MYRIP: variants seen among roughly 807,000 people sequenced by gnomAD.
MYRIP encodes the protein rab effector MyRIP.
A neutral mutation model predicts 98.0 loss-of-function variants in MYRIP; 49 were observed. The ratio of observed to expected loss-of-function variants is 0.50; its 90% CI spans 0.40 to 0.63. MYRIP has a LOEUF of 0.63. Ranked by LOEUF, MYRIP falls within the 30% of genes least tolerant of loss-of-function variation. The pLI, the probability that MYRIP is intolerant of heterozygous loss-of-function variation, is 0.00. For synonymous variants in MYRIP, 404 were observed against 409.5 expected, an observed-to-expected ratio of 0.99 and a Z score of 0.16; for missense variants, 1,004 against 1,058.2, an observed-to-expected ratio of 0.95 and a Z score of 0.71.
intron 3 of MYRIP, among the ~76,000 whole-genome samples, chr3:40,092,941 G>T (rs1388501812): frequency 3.3e-5 from 5 of 152,072 alleles, no homozygotes; most frequent in African/African-American, 1.2e-4. Context: ...CAAGTCCTTT[G>T]GTACATCACA....
chr3:40,089,654 C>G (rs1278638789), intron 3 of MYRIP, among the ~76,000 whole-genome samples: 4 of 152,138 alleles, frequency 2.6e-5, no homozygotes, highest in Non-Finnish European at 5.9e-5. Context: ...ATGAGACTTT[C>G]TAGAATGGTT....
At position 40,233,949 on chromosome 3, in the gene MYRIP, C is replaced by CCCT. The variant is rs1952741142; in HGVS notation, c.1997_1999dup (p.Pro666_Trp667insSer). The CCCT allele has an allele frequency of 6.2e-7, 1 of 1,613,900 alleles. No homozygotes were observed. The highest frequency in any genetic ancestry group is 1.3e-5 in the African/African-American group (1 of 75,016). On this transcript the variant is annotated inframe_insertion, in exon 12 of 17. Coordinates refer to ENST00000302541, the MANE Select transcript of MYRIP (RefSeq NM_015460.4). The stretch of plus-strand genomic sequence containing the variant: ...GGAGTTGATAGCAGGATCTACAGGG[C>CCCT]CCTGGGAGTCCCCACAAGTCCCTCC...
chr3:39,861,155 A>G (rs1052150382), intron 1 of MYRIP, among the ~76,000 whole-genome samples: 3 of 152,156 alleles, frequency 2.0e-5, no homozygotes, highest in Non-Finnish European at 4.4e-5. Flanking sequence ...CCTAACCTCA[A>G]CAGGCTAGGG....
intron 1 of MYRIP, among the ~76,000 whole-genome samples, chr3:39,812,313 C>G (rs1940722185): frequency 6.6e-6 from 1 of 151,846 alleles, no homozygotes; most frequent in East Asian, 1.9e-4. Flanking sequence ...TAAAATGAGA[C>G]TTCTTGATGA....
chr3:39,877,234 T>C (rs1298891929), intron 1 of MYRIP, among the ~76,000 whole-genome samples: 5 of 152,294 alleles, frequency 3.3e-5, no homozygotes, highest in South Asian at 2.1e-4. Flanking sequence ...GTTCTAGTTA[T>C]ACATTCTTCT....
intron 1 of MYRIP, among the ~76,000 whole-genome samples, chr3:39,889,113 C>G (rs1488281900): frequency 9.2e-5 from 14 of 152,130 alleles, no homozygotes; most frequent in Admixed American, 9.2e-4. Flanking sequence ...TTGTGGAAGT[C>G]AGTGTGGCGA....
intron 2 of MYRIP, among the ~76,000 whole-genome samples, chr3:40,016,756 T>C (rs768843021): frequency 6.6e-6 from 1 of 152,200 alleles, no homozygotes; most frequent in Non-Finnish European, 1.5e-5. Context: ...ACTTAATGTC[T>C]CCCAACCCCT....
At chr3:39,825,364 C>T (rs987823905) in intron 1 of MYRIP, among the ~76,000 whole-genome samples, 1 of 152,048 alleles carries the variant, frequency 6.6e-6, no homozygotes, top group Non-Finnish European at 1.5e-5. Flanking sequence ...GATGCACTTT[C>T]CTTCTATACC....
At chr3:39,811,678 T>C (rs1940698662) in intron 1 of MYRIP, among the ~76,000 whole-genome samples, 1 of 151,614 alleles carries the variant, frequency 6.6e-6, no homozygotes, top group African/African-American at 2.4e-5. Context: ...TGTGTGTGTG[T>C]GTGTTGTCTC....
intron 10 of MYRIP, among the ~76,000 whole-genome samples, chr3:40,196,359 A>G (rs1028166077): frequency 2.0e-5 from 3 of 152,152 alleles, no homozygotes; most frequent in African/African-American, 4.8e-5. Flanking sequence ...ATAGCTAATG[A>G]ATTTTCCCTC....
chr3:40,200,237 A>T (rs1004523721), intron 10 of MYRIP, among the ~76,000 whole-genome samples: 1 of 151,592 alleles, frequency 6.6e-6, no homozygotes, highest in African/African-American at 2.4e-5. Context: ...TGGGTCACAC[A>T]TAATATGCTA....
chr3:40,129,440 CAAAAAAAAAAAAAAAAAAAAA>C (rs386396419), intron 3 of MYRIP, among the ~76,000 whole-genome samples: 4 of 29,374 alleles, frequency 1.4e-4, no homozygotes, highest in Middle Eastern at 0.031. Flanking sequence ...GACTCTGTCT[CAAAAAAAAAAAAAAAAAAAAA>C]AAAAAAAAAA....
At chr3:40,078,115 C>T (rs1003188406) in intron 3 of MYRIP, among the ~76,000 whole-genome samples, 32 of 152,374 alleles carry the variant, frequency 2.1e-4, no homozygotes, top group African/African-American at 6.3e-4. Flanking sequence ...AGCGCAGCGC[C>T]GGTGGGCTGG....
intron 2 of MYRIP, among the ~76,000 whole-genome samples, chr3:40,011,242 C>T (rs1460368234): frequency 1.3e-5 from 2 of 152,194 alleles, no homozygotes; most frequent in African/African-American, 4.8e-5. Flanking sequence ...AGGCCAGGAC[C>T]TAGTCACATG....
intron 1 of MYRIP, among the ~76,000 whole-genome samples, chr3:39,865,067 CAATA>C (rs1942582386): frequency 1.3e-5 from 2 of 152,142 alleles, no homozygotes; most frequent in South Asian, 4.1e-4. Context: ...ACTCCCTATT[CAATA>C]AATAGTGTTG....
intron 3 of MYRIP, among the ~76,000 whole-genome samples, chr3:40,059,074 T>C (rs372299364): frequency 6.6e-6 from 1 of 152,126 alleles, no homozygotes; most frequent in Non-Finnish European, 1.5e-5. Flanking sequence ...AGAATAATGA[T>C]TTCCAGTTTC....
intron 2 of MYRIP, among the ~76,000 whole-genome samples, chr3:39,985,787 C>T (rs1225269493): frequency 6.6e-6 from 1 of 152,006 alleles, no homozygotes; most frequent in Non-Finnish European, 1.5e-5. Context: ...CCCTTCCTTA[C>T]ACCTTATACC....
chr3:39,954,681 T>C (rs1385715382), intron 2 of MYRIP, among the ~76,000 whole-genome samples: 1 of 151,962 alleles, frequency 6.6e-6, no homozygotes, highest in African/African-American at 2.4e-5. Context: ...TTCTGACGAG[T>C]TGACAGAAGT....
chr3:39,879,869 G>T (rs1487211909), intron 1 of MYRIP, among the ~76,000 whole-genome samples: 2 of 151,904 alleles, frequency 1.3e-5, no homozygotes, highest in Non-Finnish European at 2.9e-5. Context: ...CTCTTCTCTG[G>T]GACTCCTTTC....
Sources: gnomAD v4.1 joint callset for allele counts (sites outside exome capture counted in the v4.1 genomes callset) on GRCh38, gnomAD v4.1.1 for gene constraint, MANE v1.5 for transcripts, NCBI Gene and HGNC (gene_info 2026-07-23, HGNC 2026-07-21) for gene names.